The following NRCAM variants were observed in gnomAD, a reference collection of about 807,000 sequenced individuals.
The protein encoded by NRCAM is NgCAM-related cell adhesion molecule.
In NRCAM, 83 loss-of-function variants were observed where a neutral mutation model predicts 156.5. That is an observed-to-expected ratio of 0.53 (90% CI 0.44 to 0.64). The LOEUF (loss-of-function observed/expected upper bound fraction) is 0.64. Ranked by LOEUF, NRCAM falls within the 30% of genes least tolerant of loss-of-function variation. The probability of loss-of-function intolerance (pLI) is 0.00; values close to 1 mark genes in which losing one functional copy is unlikely to be tolerated. For missense variants in NRCAM, 1,417 were observed against 1,597.3 expected, an observed-to-expected ratio of 0.89 and a Z score of 1.92; for synonymous variants, 538 against 563.9, an observed-to-expected ratio of 0.95 and a Z score of 0.65.
At chr7:108,354,808 C>T (rs12669405) in intron 2 of NRCAM, among the ~76,000 whole-genome samples, 41,622 of 151,780 alleles carry the variant, frequency 0.27, 6,355 homozygotes, top group Middle Eastern at 0.37. Context: ...GCAGGAGAAT[C>T]GCTTGAACCC....
At chr7:108,366,625 A>G in intron 2 of NRCAM, among the ~76,000 whole-genome samples, 1 of 152,224 alleles carries the variant, frequency 6.6e-6, no homozygotes, top group East Asian at 1.9e-4. Context: ...GTTGTTACTG[A>G]GAATTAAAAA....
intron 3 of NRCAM, among the ~76,000 whole-genome samples, chr7:108,308,308 A>G (rs992421431): frequency 3.3e-5 from 5 of 152,214 alleles, no homozygotes; most frequent in African/African-American, 1.2e-4. Flanking sequence ...TTTCATCACG[A>G]GTTCTGATTC....
chr7:108,337,870 C>T (rs1023791369), intron 2 of NRCAM, among the ~76,000 whole-genome samples: 9 of 152,186 alleles, frequency 5.9e-5, no homozygotes, highest in African/African-American at 2.2e-4. Flanking sequence ...ACCTCCAAAG[C>T]GGTAATATTG....
At chr7:108,389,240 A>C (rs2099751783) in intron 2 of NRCAM, among the ~76,000 whole-genome samples, 1 of 152,212 alleles carries the variant, frequency 6.6e-6, no homozygotes, top group Admixed American at 6.5e-5. Context: ...TTCGTTGAGC[A>C]GTCGTTTGTA....
intron 25 of NRCAM, among the ~76,000 whole-genome samples, chr7:108,179,195 G>A (rs991850288): frequency 2.6e-5 from 4 of 152,180 alleles, no homozygotes; most frequent in Non-Finnish European, 5.9e-5. Context: ...GGAGGCTCAT[G>A]GAGCTCATTA....
intron 2 of NRCAM, among the ~76,000 whole-genome samples, chr7:108,376,055 GTTGT>G (rs1316356082): frequency 6.6e-6 from 1 of 152,136 alleles, no homozygotes; most frequent in Non-Finnish European, 1.5e-5. Flanking sequence ...TTGGTGTTTG[GTTGT>G]TTAAGACTTA....
chr7:108,287,828 A>T (rs2098151565), intron 3 of NRCAM, among the ~76,000 whole-genome samples: 1 of 152,134 alleles, frequency 6.6e-6, no homozygotes, highest in Admixed American at 6.6e-5. Flanking sequence ...AAGGAACTAA[A>T]AATAGAACTA....
At chr7:108,413,687 TA>T (rs1798099397) in intron 1 of NRCAM, among the ~76,000 whole-genome samples, 1 of 152,234 alleles carries the variant, frequency 6.6e-6, no homozygotes, top group South Asian at 2.1e-4. Context: ...GACAGGAATA[TA>T]GGGGGCAATT....
chr7:108,153,068 T>C (rs2042693710), intron 32 of NRCAM, among the ~76,000 whole-genome samples: 1 of 152,112 alleles, frequency 6.6e-6, no homozygotes, highest in Non-Finnish European at 1.5e-5. Flanking sequence ...TTTGAATATG[T>C]CATGAGAACC....
chr7:108,310,299 C>T lies in NRCAM; in HGVS notation c.-107+2366G>A, dbSNP rs373759205. Among the ~76,000 whole-genome samples the T allele has an allele frequency of 1.3e-4, 20 of 152,328 alleles. 1 individual carries two copies. The East Asian group carries it at 2.1e-3, about 16-fold the overall frequency. On this transcript the variant is annotated intron_variant, in intron 3 of 32. Transcript: ENST00000379028. The stretch of plus-strand genomic sequence containing the variant: ...AGTGATTTCAGAGGTATCCTCTCTC[C>T]TCACTCTGGTTGATTATCAAAATGC...
chr7:108,312,420 A>G (rs17155421), intron 3 of NRCAM, among the ~76,000 whole-genome samples: 17,955 of 152,070 alleles, frequency 0.12, 1,053 homozygotes, highest in Middle Eastern at 0.17. Flanking sequence ...ATTTACTTAA[A>G]CAAAAATCTT....
intron 1 of NRCAM, among the ~76,000 whole-genome samples, chr7:108,450,520 C>A (rs1166114604): frequency 1.3e-5 from 2 of 150,382 alleles, no homozygotes; most frequent in East Asian, 3.8e-4. Flanking sequence ...GCCAGTACAT[C>A]CCTAAACATT....
intron 3 of NRCAM, among the ~76,000 whole-genome samples, chr7:108,305,760 A>G (rs2098705994): frequency 6.6e-6 from 1 of 152,230 alleles, no homozygotes; most frequent in Non-Finnish European, 1.5e-5. Context: ...AAGAAAATGC[A>G]TATCTAATTA....
chr7:108,256,555 C>T (rs1314409023), intron 3 of NRCAM, among the ~76,000 whole-genome samples: 4 of 151,712 alleles, frequency 2.6e-5, no homozygotes, highest in African/African-American at 9.7e-5. Flanking sequence ...TGCTGACCTT[C>T]CCTCCACTAT....
intron 8 of NRCAM, among the ~76,000 whole-genome samples, chr7:108,230,736 T>C (rs2094213620): frequency 1.3e-5 from 2 of 152,046 alleles, no homozygotes; most frequent in Admixed American, 6.6e-5. Context: ...TTTTTTTTTT[T>C]CATAGAACTT....
intron 1 of NRCAM, among the ~76,000 whole-genome samples, chr7:108,454,944 G>C (rs1854877559): frequency 6.6e-6 from 1 of 152,256 alleles, no homozygotes; most frequent in Non-Finnish European, 1.5e-5. Flanking sequence ...GCGAAGAAAA[G>C]GGAAGGAGAG....
At position 108,148,834 on chromosome 7, in the gene NRCAM, A is replaced by C. The variant is rs1355401438; in HGVS notation, c.*1076T>G. 2.6e-5 allele frequency: 4 copies of C among 152,502 alleles called. No homozygotes were observed. The highest frequency in any genetic ancestry group is 9.6e-5 in the African/African-American group (4 of 41,472). 9.4% of individuals were successfully genotyped at this position (152,502 alleles called of 1,614,324 possible). On this transcript the variant is annotated 3_prime_UTR_variant, in exon 33 of 33. Transcript: ENST00000379028. ...GTAATAGAAACCATAAAGGACCACA[A>C]AATCATCATGTGCTTCAGTTGGCAA... is the stretch of plus-strand genomic sequence containing the variant.
intron 3 of NRCAM, among the ~76,000 whole-genome samples, chr7:108,288,819 TG>T (rs1279570126): frequency 6.6e-6 from 1 of 152,116 alleles, no homozygotes; most frequent in Non-Finnish European, 1.5e-5. Flanking sequence ...CTACTGAATT[TG>T]TTTGTGATTT....
At chr7:108,347,924 C>A (rs2099377945) in intron 2 of NRCAM, among the ~76,000 whole-genome samples, 1 of 152,152 alleles carries the variant, frequency 6.6e-6, no homozygotes, top group Non-Finnish European at 1.5e-5. Context: ...AACCCGCCTC[C>A]TCTCCACCCC....
Sources: gnomAD v4.1 joint callset for allele counts (sites outside exome capture counted in the v4.1 genomes callset) on GRCh38, gnomAD v4.1.1 for gene constraint, MANE v1.5 for transcripts, NCBI Gene and HGNC (gene_info 2026-07-23, HGNC 2026-07-21) for gene names.